The following NTN1 variants were observed in gnomAD, a reference collection of about 807,000 sequenced individuals.
The protein encoded by NTN1 is netrin-1.
Under a neutral mutation model 54.2 loss-of-function variants are expected in NTN1, and 11 were observed. That is an observed-to-expected ratio of 0.20 (90% CI 0.13 to 0.34). NTN1 has a LOEUF of 0.34. NTN1 is among the 10% of genes least tolerant of loss of function. NTN1 has a pLI of 1.00. For synonymous variants in NTN1, 371 were observed against 382.0 expected, an observed-to-expected ratio of 0.97 and a Z score of 0.33; for missense variants, 740 against 893.1, an observed-to-expected ratio of 0.83 and a Z score of 2.18.
chr17:9,111,278 C>T (rs145070897), intron 2 of NTN1, among the ~76,000 whole-genome samples: 2 of 152,288 alleles, frequency 1.3e-5, no homozygotes, highest in East Asian at 1.9e-4. Flanking sequence ...ATTACATCTG[C>T]AAAGATCCTA....
At chr17:9,213,585 A>G (rs1422346309) in intron 5 of NTN1, among the ~76,000 whole-genome samples, 1 of 152,228 alleles carries the variant, frequency 6.6e-6, no homozygotes, top group Non-Finnish European at 1.5e-5. Context: ...GTCTGTGTGT[A>G]TATATGGTTA....
At chr17:9,099,365 A>G (rs1035331706) in intron 2 of NTN1, among the ~76,000 whole-genome samples, 1 of 152,192 alleles carries the variant, frequency 6.6e-6, no homozygotes, top group African/African-American at 2.4e-5. Context: ...AGTTTGCGCC[A>G]TTGCACTCCA....
chr17:9,014,034 A>G, the NTN1 span, among the ~76,000 whole-genome samples: 20 of 152,168 alleles, frequency 1.3e-4, no homozygotes, highest in Non-Finnish European at 2.4e-4. Context: ...TGGGGTTTGT[A>G]TGGGCTTCTA....
At chr17:9,092,655 G>A (rs1434143652) in intron 2 of NTN1, among the ~76,000 whole-genome samples, 1 of 152,062 alleles carries the variant, frequency 6.6e-6, no homozygotes, top group East Asian at 1.9e-4. Flanking sequence ...GTGCAGTGGT[G>A]CGATGTCAGC....
At chr17:9,207,827 T>C (rs931769640) in intron 5 of NTN1, among the ~76,000 whole-genome samples, 1 of 152,250 alleles carries the variant, frequency 6.6e-6, no homozygotes, top group African/African-American at 2.4e-5. Context: ...TTTTCAGATA[T>C]TAGCTGTACA....
chr17:9,006,872 T>C, the NTN1 span, among the ~76,000 whole-genome samples: 5 of 152,212 alleles, frequency 3.3e-5, no homozygotes, highest in Non-Finnish European at 7.3e-5. Context: ...CACCCACTCT[T>C]GGGGCCTATA....
chr17:9,220,704 C>T (rs1386111231), intron 5 of NTN1, among the ~76,000 whole-genome samples: 1 of 152,050 alleles, frequency 6.6e-6, no homozygotes, highest in Non-Finnish European at 1.5e-5. Flanking sequence ...CTGCTAATTT[C>T]CCCTGTGACC....
intron 2 of NTN1, among the ~76,000 whole-genome samples, chr17:9,155,461 C>T (rs1331682713): frequency 6.6e-6 from 1 of 152,048 alleles, no homozygotes; most frequent in Non-Finnish European, 1.5e-5. Flanking sequence ...CCTGCCTCAT[C>T]CTCCCGAGTA....
chr17:9,177,521 C>G (rs192036677), intron 3 of NTN1: 1 of 152,252 alleles, frequency 6.6e-6, no homozygotes, highest in Admixed American at 6.5e-5. Flanking sequence ...TGTGTTCCAT[C>G]AGCTCGGAGG....
chr17:9,217,478 G>T (rs554630922), intron 5 of NTN1, among the ~76,000 whole-genome samples: 12 of 152,314 alleles, frequency 7.9e-5, no homozygotes, highest in African/African-American at 2.9e-4. Flanking sequence ...AGTCAAAGCT[G>T]CATTTTAAAG....
chr17:9,230,059 C>T (rs377646718), intron 6 of NTN1, among the ~76,000 whole-genome samples: 36 of 57,070 alleles, frequency 6.3e-4, no homozygotes, highest in African/African-American at 2.6e-3. Flanking sequence ...CAGCAAATGA[C>T]GGACTCTTCC....
At chr17:9,182,885 T>C (rs1567731757) in intron 4 of NTN1, 31 bp from the exon 5 acceptor site, 2 of 1,611,930 alleles carry the variant, frequency 1.2e-6, no homozygotes, top group African/African-American at 2.7e-5. Flanking sequence ...TTTTCTCTCC[T>C]CCCCTCGCCC....
chr17:9,054,876 G>T (rs2091974098), intron 2 of NTN1, among the ~76,000 whole-genome samples: 1 of 152,160 alleles, frequency 6.6e-6, no homozygotes, highest in Non-Finnish European at 1.5e-5. Context: ...TCGCAACAAA[G>T]GGGCAAAATG....
Position 9,135,599 on chromosome 17 carries a change from C to T in NTN1, c.1019-27214C>T, listed in dbSNP as rs891472298. Among the ~76,000 whole-genome samples, 5 of 152,194 alleles carry T rather than the reference C, an allele frequency of 3.3e-5. No individual in the cohort carries two copies. The highest frequency in any genetic ancestry group is 4.8e-5 in the African/African-American group (2 of 41,440). ...CCATTGGCTTCCCCTTGAATTGTCA[C>T]GATGGCCCAGCACTGTTGGGTTCAG... is the stretch of plus-strand genomic sequence containing the variant. On this transcript the variant is annotated intron_variant, in intron 2 of 6. Coordinates refer to ENST00000173229, the MANE Select transcript of NTN1 (RefSeq NM_004822.3). This position sits in a 1 kb window ranked among gnomAD's most constrained non-coding sequence, Gnocchi z 4.4.
intron 2 of NTN1, among the ~76,000 whole-genome samples, chr17:9,146,625 A>G (rs1597505498): frequency 6.7e-6 from 1 of 148,880 alleles, no homozygotes; most frequent in Non-Finnish European, 1.5e-5. Context: ...CTTTAGACAC[A>G]CCCTGGGGCT....
At chr17:9,049,452 A>T (rs759643256) in intron 2 of NTN1, among the ~76,000 whole-genome samples, 1 of 152,182 alleles carries the variant, frequency 6.6e-6, no homozygotes. Flanking sequence ...AACTGTTCAG[A>T]ATTAACATCA....
Position 9,052,880 on chromosome 17 carries a change from G to A in NTN1, c.1018+29489G>A, listed in dbSNP as rs73264116. ...TGACACAGAGCCCCCGGGCAGAGGGGCCATATCCTTACCACCTCTCTGTCC... is the reference window on the plus strand; with the variant it reads ...TGACACAGAGCCCCCGGGCAGAGGGACCATATCCTTACCACCTCTCTGTCC... On this transcript the variant is annotated intron_variant, in intron 2 of 6. Coordinates refer to ENST00000173229, the MANE Select transcript of NTN1 (RefSeq NM_004822.3). 3.2e-3 allele frequency among the ~76,000 whole-genome samples: 489 copies of A among 152,336 alleles called. 3 individuals are homozygous for A. Among genetic ancestry groups the A allele is most frequent in the African/African-American group, 0.011 (464 of 41,566 alleles).
chr17:9,139,860 C>G (rs575836662), intron 2 of NTN1, among the ~76,000 whole-genome samples: 9 of 152,220 alleles, frequency 5.9e-5, no homozygotes, highest in Non-Finnish European at 8.8e-5. Context: ...ATTCAGCCAT[C>G]TATCCATCGA....
At chr17:9,095,563 A>G (rs1048747667) in intron 2 of NTN1, among the ~76,000 whole-genome samples, 4 of 152,204 alleles carry the variant, frequency 2.6e-5, no homozygotes, top group Non-Finnish European at 4.4e-5. Context: ...TTTCTGTCCA[A>G]TGATACACAT....
Sources: gnomAD v4.1 joint callset for allele counts (sites outside exome capture counted in the v4.1 genomes callset) on GRCh38, gnomAD v4.1.1 for gene constraint, Gnocchi (gnomAD v3.1) non-coding constraint, MANE v1.5 for transcripts, NCBI Gene and HGNC (gene_info 2026-07-23, HGNC 2026-07-21) for gene names.